CLIC6: variants seen among roughly 807,000 people sequenced by gnomAD.
CLIC6 encodes chloride intracellular channel protein 6.
In CLIC6, 39 loss-of-function variants were observed where a neutral mutation model predicts 49.2. That is an observed-to-expected ratio of 0.79 (90% CI 0.61 to 1.04). The LOEUF (loss-of-function observed/expected upper bound fraction) is 1.04. Among genes scored for constraint, CLIC6 ranks in the 50% least tolerant of loss-of-function variants. The pLI is 0.00. For missense variants in CLIC6, 988 were observed against 993.1 expected, an observed-to-expected ratio of 0.99 and a Z score of 0.07; for synonymous variants, 446 against 433.4, an observed-to-expected ratio of 1.03 and a Z score of -0.36.
intron 3 of CLIC6, 75 bp downstream of exon 3, chr21:34,708,144 G>A: frequency 1.3e-6 from 2 of 1,559,686 alleles, no homozygotes; most frequent in Non-Finnish European, 1.8e-6. Context: ...AAAGCTCTGG[G>A]CAGTGTGTGT....
intron 5 of CLIC6, among the ~76,000 whole-genome samples, chr21:34,710,898 G>A (rs999877795): frequency 2.6e-5 from 4 of 152,118 alleles, no homozygotes; most frequent in Non-Finnish European, 2.9e-5. Flanking sequence ...CTAGTAAATC[G>A]GAGCTTCCAA....
At chr21:34,686,781 C>A (rs190206873) in intron 1 of CLIC6, among the ~76,000 whole-genome samples, 1 of 152,194 alleles carries the variant, frequency 6.6e-6, no homozygotes, top group Admixed American at 6.5e-5. Flanking sequence ...GTCTTGGCCC[C>A]CTCAGACCAG....
chr21:34,695,283 C>G (rs1990070067), intron 1 of CLIC6, among the ~76,000 whole-genome samples: 1 of 152,212 alleles, frequency 6.6e-6, no homozygotes, highest in African/African-American at 2.4e-5. Flanking sequence ...CTAATCAAAC[C>G]TGTCCTGACC....
In CLIC6 at chr21:34,697,520, T is replaced by C. The variant is rs977838525; in HGVS notation, c.1375-9760T>C. Among the ~76,000 whole-genome samples, 2 of 152,332 alleles carry C rather than the reference T, an allele frequency of 1.3e-5. 1 individual carries two copies. ...AACCATCAAGTCTGATGGATGCATC[T>C]ATGCTGGTGTTTTCATTAGCGAGGA... On this transcript the variant is annotated intron_variant, in intron 1 of 5. Transcript: ENST00000349499.
In CLIC6 at chr21:34,669,886, G is replaced by A; in HGVS notation, c.498G>A (p.Leu166=). ...AGDSVDAEGP[L]GDNIEAEGPA... ...ACAGCGTAGACGCGGAGGGCCCGCT[G>A]GGGGACAACATAGAAGCGGAGGGCC... The change falls in exon 1 of 6, where the codon CTG becomes CTA. Residue 166 remains leucine, a synonymous_variant. Transcript: ENST00000349499. 1 of 1,327,638 alleles carries A rather than the reference G, an allele frequency of 7.5e-7. No homozygotes were observed. Among genetic ancestry groups the A allele is most frequent in the Non-Finnish European group, 9.6e-7 (1 of 1,037,628 alleles). 82.2% of individuals were successfully genotyped at this position (1,327,638 alleles called of 1,614,324 possible). A position where few individuals can be genotyped will look rare whatever the true frequency, so the allele number is the denominator to read the frequency against.
rs1177116168 is a variant in CLIC6 at position 34,718,184 on chromosome 21, C to T, written c.*1702C>T. 6.6e-6 allele frequency: 1 copy of T among 152,580 alleles called. No individual in the cohort carries two copies. The highest frequency in any genetic ancestry group is 1.5e-5 in the Non-Finnish European group (1 of 68,028). 9.5% of individuals were successfully genotyped at this position (152,580 alleles called of 1,614,324 possible). A position where few individuals can be genotyped will look rare whatever the true frequency, so the allele number is the denominator to read the frequency against. On this transcript the variant is annotated 3_prime_UTR_variant, in exon 6 of 6. Transcript: ENST00000349499. ...AAATGATTGACATAAACTCTTTGTG[C>T]CTTGAAAATGAAACAAATTATAAAA... is the stretch of plus-strand genomic sequence containing the variant.
At chr21:34,710,535 C>T (rs964312086) in intron 5 of CLIC6, among the ~76,000 whole-genome samples, 3 of 152,198 alleles carry the variant, frequency 2.0e-5, no homozygotes, top group African/African-American at 7.2e-5. Context: ...GTCCCCGGGC[C>T]AGGCATGGCG....
chr21:34,695,727 T>C (rs774494083), intron 1 of CLIC6, among the ~76,000 whole-genome samples: 1 of 152,234 alleles, frequency 6.6e-6, no homozygotes, highest in Non-Finnish European at 1.5e-5. Flanking sequence ...CCTTACTTGG[T>C]GTGCTATGCT....
At chr21:34,705,602 G>A (rs2056008989) in intron 1 of CLIC6, among the ~76,000 whole-genome samples, 1 of 152,208 alleles carries the variant, frequency 6.6e-6, no homozygotes, top group Non-Finnish European at 1.5e-5. Context: ...GGAGGGGAGA[G>A]TGGGAGAGGA....
chr21:34,697,101 G>C (rs995454019), intron 1 of CLIC6, among the ~76,000 whole-genome samples: 1 of 152,100 alleles, frequency 6.6e-6, no homozygotes, highest in Admixed American at 6.5e-5. Flanking sequence ...AGCCTTTGTT[G>C]AGAGTGATTT....
intron 1 of CLIC6, among the ~76,000 whole-genome samples, chr21:34,675,881 G>A (rs1386669273): frequency 6.6e-6 from 1 of 152,222 alleles, no homozygotes; most frequent in Non-Finnish European, 1.5e-5. Flanking sequence ...CCTTGTGAGA[G>A]AAACAGAGCC....
intron 5 of CLIC6, 45 bp from the exon 6 acceptor site, chr21:34,716,276 C>G: frequency 6.4e-7 from 1 of 1,557,596 alleles, no homozygotes; most frequent in South Asian, 1.2e-5. Flanking sequence ...GGGAGCCTAC[C>G]TTAGCAAGTT....
chr21:34,714,755 T>C (rs1199743174), intron 5 of CLIC6, among the ~76,000 whole-genome samples: 1 of 151,282 alleles, frequency 6.6e-6, no homozygotes, highest in Non-Finnish European at 1.5e-5. Context: ...TTTAAATTTA[T>C]GTAGGAAACC....
In CLIC6 at chr21:34,713,116, T is replaced by G. The variant is rs117346162; in HGVS notation, c.1900-3205T>G. Among the ~76,000 whole-genome samples the G allele has an allele frequency of 3.3e-3, 501 of 152,126 alleles. 2 individuals are homozygous for G. The highest frequency in any genetic ancestry group is 4.6e-3 in the Non-Finnish European group (315 of 67,992). ...ACCAGAGAGAATGCCAGTGAGACCT[T>G]GGGGTAGACAGAGTTGATTGAAAAG... On this transcript the variant is annotated intron_variant, in intron 5 of 5. Coordinates refer to ENST00000349499, the MANE Select transcript of CLIC6 (RefSeq NM_053277.3).
rs981987625 is a variant in CLIC6, at chr21:34,669,844, G to A, written c.456G>A (p.Ala152=). The A allele has an allele frequency of 3.5e-6, 5 of 1,412,840 alleles. No homozygotes were observed. The African/African-American group carries it at 7.6e-5, about 21-fold the overall frequency. The allele number at this position is 1,412,840 out of a possible 1,614,324, so 87.5% of individuals were successfully genotyped here. A position where few individuals can be genotyped will look rare whatever the true frequency, so the allele number is the denominator to read the frequency against. Residue 152 remains alanine, a synonymous_variant, in exon 1 of 6, where the codon GCG becomes GCA. Coordinates refer to ENST00000349499, the MANE Select transcript of CLIC6 (RefSeq NM_053277.3). ...GGCCTGAGGTCCCGGAAGGTAGCGCGTCCGGGGAGGCGGGGGACAGCGTAG... is the reference window on the plus strand; with the variant it reads ...GGCCTGAGGTCCCGGAAGGTAGCGCATCCGGGGAGGCGGGGGACAGCGTAG... ...EQRPEVPEGS[A]SGEAGDSVDA... is the part of the protein sequence containing the mutation.
intron 1 of CLIC6, among the ~76,000 whole-genome samples, chr21:34,673,953 G>T (rs1989616346): frequency 1.3e-5 from 2 of 152,138 alleles, no homozygotes; most frequent in African/African-American, 4.8e-5. Flanking sequence ...CTTCATGGTG[G>T]GTTTTGTATG....
chr21:34,709,262 C>A (rs2056038639), intron 4 of CLIC6, 95 bp from the exon 5 acceptor site: 1 of 1,111,818 alleles, frequency 9.0e-7, no homozygotes, highest in Admixed American at 2.0e-5. Context: ...CTGGCCACAT[C>A]TCAGCGAGGA....
chr21:34,706,214 G>A, intron 1 of CLIC6: 1 of 511,846 alleles, frequency 2.0e-6, no homozygotes, highest in South Asian at 3.3e-5. Flanking sequence ...GGCAAAGGGG[G>A]AGCAGGCACG....
intron 4 of CLIC6, among the ~76,000 whole-genome samples, 173 bp from the exon 5 acceptor site, chr21:34,709,184 A>G (rs972621297): frequency 1.3e-5 from 2 of 152,188 alleles, no homozygotes; most frequent in African/African-American, 4.8e-5. Context: ...GTGATTTTCC[A>G]GGGAGGAGTG....
Sources: allele counts gnomAD v4.1 joint callset (sites outside exome capture counted in the v4.1 genomes callset), GRCh38; gene constraint gnomAD v4.1.1; transcripts MANE v1.5; gene names NCBI Gene and HGNC (gene_info 2026-07-23, HGNC 2026-07-21).